Variants in CYLC2 observed in about 807,000 individuals in gnomAD.
CYLC2 encodes the protein cylicin 2, also known as cylicin-2.
A neutral mutation model predicts 26.1 loss-of-function variants in CYLC2; 30 were observed. The observed-to-expected ratio is 1.15, with a 90% CI of 0.86 to 1.56. The LOEUF (loss-of-function observed/expected upper bound fraction) is 1.56. Ranked by LOEUF, CYLC2 falls within the 40% of genes most tolerant of loss-of-function variation. The probability of loss-of-function intolerance (pLI) is 0.00; values close to 1 mark genes in which losing one functional copy is unlikely to be tolerated. For synonymous variants in CYLC2, 158 were observed against 132.8 expected (o/e 1.19, Z -1.31); for missense variants, 498 against 394.4 (o/e 1.26, Z -2.23).
intron 6 of CYLC2, among the ~76,000 whole-genome samples, chr9:103,013,464 A>G (rs531011844): frequency 4.6e-5 from 5 of 108,956 alleles, no homozygotes; most frequent in Non-Finnish European, 4.9e-5. Context: ...TATCTATTAT[A>G]TATTATATAA....
chr9:102,996,550 G>A (rs1829239283), intron 1 of CYLC2, among the ~76,000 whole-genome samples: 1 of 151,854 alleles, frequency 6.6e-6, no homozygotes, highest in East Asian at 1.9e-4. Context: ...AGCCAGAAAA[G>A]CATACATAAA....
At position 103,005,214 on chromosome 9, in the gene CYLC2, G is replaced by T; in HGVS notation, c.583G>T (p.Asp195Tyr). 1 of 1,609,580 alleles carries T rather than the reference G, an allele frequency of 6.2e-7. No homozygotes were observed. The highest frequency in any genetic ancestry group is 2.2e-5 in the East Asian group (1 of 44,792). ...GAAAGATAACAAAAAAGATAAAAAGGATTCAAACAAAGGCAAAGACTCGGC... is the reference window on the plus strand; with the variant it reads ...GAAAGATAACAAAAAAGATAAAAAGTATTCAAACAAAGGCAAAGACTCGGC... ...AKKDNKKDKK[D>Y]SNKGKDSATE... is the part of the protein sequence containing the mutation. Residue 195 changes from aspartate to tyrosine, a missense_variant, in exon 5 of 8, where the codon GAT (aspartate) becomes TAT (tyrosine). Physicochemically the swap from Asp to Tyr is radical, Grantham distance 160. Coordinates refer to ENST00000374798, the MANE Select transcript of CYLC2 (RefSeq NM_001340.5).
intron 5 of CYLC2, among the ~76,000 whole-genome samples, chr9:103,009,679 T>C (rs1375354005): frequency 6.6e-6 from 1 of 152,108 alleles, no homozygotes; most frequent in Non-Finnish European, 1.5e-5. Context: ...TTTCTAATTT[T>C]TGTGCATTAA....
chr9:103,008,652 T>A (rs2118249002), intron 5 of CYLC2, among the ~76,000 whole-genome samples: 1 of 152,158 alleles, frequency 6.6e-6, no homozygotes, highest in East Asian at 1.9e-4. Context: ...CAGTGAGTCA[T>A]CCCTAATTAC....
intron 2 of CYLC2, among the ~76,000 whole-genome samples, chr9:103,002,819 A>C (rs896336060): frequency 4.6e-5 from 7 of 152,200 alleles, no homozygotes; most frequent in African/African-American, 1.7e-4. Flanking sequence ...TATACTAACC[A>C]AAAGCATAAA....
At chr9:103,014,913 T>C (rs1231267715) in intron 6 of CYLC2, among the ~76,000 whole-genome samples, 1 of 139,308 alleles carries the variant, frequency 7.2e-6, no homozygotes, top group Non-Finnish European at 1.5e-5. Flanking sequence ...ATATGTAATA[T>C]ACATAATATG....
In CYLC2 at chr9:103,015,446, T is replaced by C. The variant is rs371747078; in HGVS notation, c.*817-1442T>C. ...TAATTATATACTTATATATCATTAA[T>C]ATATATATTATATAATTATAATATA... is the stretch of plus-strand genomic sequence containing the variant. On this transcript the variant is annotated intron_variant, in intron 6 of 7. Transcript: ENST00000374798. 3.3e-4 allele frequency among the ~76,000 whole-genome samples: 46 copies of C among 137,410 alleles called. No homozygotes were observed. In the East Asian group the frequency reaches 8.1e-3, roughly 24 times the overall value. The allele number at this position is 137,410 out of a possible 152,430, so 90.1% of individuals were successfully genotyped here.
rs759541856 is a variant in CYLC2, at chr9:103,005,247, T to C, written c.616T>C (p.Ser206Pro). Residue 206 changes from serine to proline, a missense_variant, in exon 5 of 8, where the codon TCT becomes CCT. Coordinates refer to ENST00000374798, the MANE Select transcript of CYLC2 (RefSeq NM_001340.5). ...CAAAGGCAAAGACTCGGCAACAGAA[T>C]CTGAAGGTGAAAAAGGAGGTACAGA... ...SNKGKDSATE[S>P]EGEKGGTEKD... 3.7e-6 allele frequency: 6 copies of C among 1,612,316 alleles called. No homozygotes were observed. The highest frequency in any genetic ancestry group is 5.1e-6 in the Non-Finnish European group (6 of 1,179,632).
At chr9:103,004,887 A>C (rs1564097595) in intron 4 of CYLC2, 36 bp downstream of exon 4, 1 of 1,584,868 alleles carries the variant, frequency 6.3e-7, no homozygotes, top group Non-Finnish European at 8.5e-7. Flanking sequence ...GTATCTCTGT[A>C]ATTTTCTGAT....
intron 1 of CYLC2, among the ~76,000 whole-genome samples, chr9:102,998,547 C>T (rs543056121): frequency 3.9e-5 from 6 of 151,928 alleles, no homozygotes; most frequent in African/African-American, 1.4e-4. Flanking sequence ...CTATCAAATC[C>T]AAAAGATCAA....
intron 6 of CYLC2, among the ~76,000 whole-genome samples, chr9:103,015,247 A>G (rs1486314001): frequency 8.0e-6 from 1 of 124,548 alleles, no homozygotes; most frequent in Non-Finnish European, 1.6e-5. Context: ...ATAATCTGAT[A>G]TATAATATAT....
chr9:103,008,026 C>T (rs1206953872), intron 5 of CYLC2, among the ~76,000 whole-genome samples: 1 of 150,570 alleles, frequency 6.6e-6, no homozygotes, highest in Non-Finnish European at 1.5e-5. Context: ...CTCCCACTCC[C>T]TCTAGGAACC....
chr9:103,010,285 G>T (rs556191464), intron 5 of CYLC2, among the ~76,000 whole-genome samples: 1 of 152,108 alleles, frequency 6.6e-6, no homozygotes, highest in East Asian at 1.9e-4. Flanking sequence ...CAAAATTATT[G>T]CATAATTATA....
At chr9:103,013,728 T>A (rs1829447790) in intron 6 of CYLC2, among the ~76,000 whole-genome samples, 1 of 111,014 alleles carries the variant, frequency 9.0e-6, no homozygotes, top group Non-Finnish European at 1.6e-5. Context: ...ATTATGCATT[T>A]TATATATAAT....
chr9:102,999,784 C>T (rs907420231), intron 1 of CYLC2, among the ~76,000 whole-genome samples: 4 of 151,752 alleles, frequency 2.6e-5, no homozygotes, highest in African/African-American at 4.8e-5. Context: ...GATTTTAGGT[C>T]AAACCAACCT....
At position 103,014,635 on chromosome 9, in the gene CYLC2, T is replaced by C. The variant is rs189976192; in HGVS notation, c.*817-2253T>C. The stretch of plus-strand genomic sequence containing the variant: ...TCATATGTATATTATGCAGTATACA[T>C]CATATGTATATTATGCAGTATACAC... On this transcript the variant is annotated intron_variant, in intron 6 of 7. Coordinates refer to ENST00000374798, the MANE Select transcript of CYLC2 (RefSeq NM_001340.5). Among the ~76,000 whole-genome samples the C allele has an allele frequency of 4.6e-3, 602 of 129,654 alleles. 39 individuals carry two copies. Among genetic ancestry groups the C allele is most frequent in the Middle Eastern group, 0.011 (1 of 88 alleles). The allele number at this position is 129,654 out of a possible 152,430, so 85.1% of individuals were successfully genotyped here.
chr9:103,005,392 G>T lies in CYLC2; in HGVS notation c.761G>T (p.Gly254Val). The T allele has an allele frequency of 6.2e-7, 1 of 1,613,870 alleles. No homozygotes were observed. Residue 254 changes from glycine to valine, a missense_variant, in exon 5 of 8, where the codon GGT becomes GTT. Physicochemically the swap from Gly to Val is moderately radical, Grantham distance 109. Transcript: ENST00000374798. ...GATGGAAAAAAAGATGCAAACAAAG[G>T]TGATGAATCGAAGGATGCCAAGAAA... ...DEDGKKDANK[G>V]DESKDAKKDA...
rs765188712 is a variant in CYLC2, at chr9:103,005,631, A to G, written c.1000A>G (p.Asn334Asp). The change falls in exon 5 of 8, where the codon AAT becomes GAT. Residue 334 changes from asparagine (N) to aspartate (D), a missense_variant. Asn to Asp is a conservative substitution (Grantham distance 23). Coordinates refer to ENST00000374798, the MANE Select transcript of CYLC2 (RefSeq NM_001340.5). ...KKDAKKDAKK[N>D]AKKDEKKDAK... ...GGATGCAAAGAAGGATGCAAAGAAG[A>G]ATGCAAAGAAGGATGAAAAGAAGGA... The G allele has an allele frequency of 1.2e-6, 2 of 1,611,934 alleles. No homozygotes were observed. Among genetic ancestry groups the G allele is most frequent in the East Asian group, 2.2e-5 (1 of 44,832 alleles).
chr9:103,010,050 C>A (rs1315766789), intron 5 of CYLC2, among the ~76,000 whole-genome samples: 1 of 151,136 alleles, frequency 6.6e-6, no homozygotes, highest in Non-Finnish European at 1.5e-5. Flanking sequence ...TAAAATAACC[C>A]ATATCATTTT....
Sources: gnomAD v4.1 joint callset for allele counts (sites outside exome capture counted in the v4.1 genomes callset) on GRCh38, gnomAD v4.1.1 for gene constraint, MANE v1.5 for transcripts, NCBI Gene and HGNC (gene_info 2026-07-23, HGNC 2026-07-21) for gene names.